HEG1: variants seen among roughly 807,000 people sequenced by gnomAD.
HEG1 encodes the protein heart development protein with EGF like domains 1.
HEG1 carries 56 observed loss-of-function variants against 125.6 expected under a neutral mutation model. The observed-to-expected ratio is 0.45, with a 90% confidence interval of 0.36 to 0.56. The LOEUF (loss-of-function observed/expected upper bound fraction) is 0.56, where lower values mean the gene tolerates loss of function less well. Ranked by LOEUF, HEG1 falls within the 20% of genes least tolerant of loss-of-function variation. The pLI, the probability that HEG1 is intolerant of heterozygous loss-of-function variation, is 0.00. For missense variants in HEG1, 1,523 were observed against 1,670.0 expected, an observed-to-expected ratio of 0.91 and a Z score of 1.53; for synonymous variants, 644 against 668.5, an observed-to-expected ratio of 0.96 and a Z score of 0.57.
chr3:125,053,209 G>A (rs1937853046), intron 1 of HEG1, among the ~76,000 whole-genome samples: 1 of 152,232 alleles, frequency 6.6e-6, no homozygotes, highest in Non-Finnish European at 1.5e-5. Flanking sequence ...TGGAGGACCT[G>A]TGGAGGCCCT....
At chr3:124,972,318 G>C (rs1418211617) in intron 16 of HEG1, among the ~76,000 whole-genome samples, 1 of 152,176 alleles carries the variant, frequency 6.6e-6, no homozygotes, top group Non-Finnish European at 1.5e-5. Context: ...CTCAGTTATA[G>C]CTTCAGTTAG....
intron 6 of HEG1, 126 bp from the exon 7 acceptor site, chr3:125,010,681 G>T: frequency 1.5e-6 from 1 of 680,062 alleles, no homozygotes. Flanking sequence ...TGCCCTGAAA[G>T]GCCACATTAC....
At chr3:125,003,570 T>C (rs923944950) in intron 9 of HEG1, among the ~76,000 whole-genome samples, 3 of 152,200 alleles carry the variant, frequency 2.0e-5, no homozygotes, top group African/African-American at 4.8e-5. Flanking sequence ...ACTTCTTTGT[T>C]TACCTGGGGG....
chr3:125,055,455 G>GA, intron 1 of HEG1, 120 bp downstream of exon 1: 1 of 628,344 alleles, frequency 1.6e-6, no homozygotes. Context: ...CACGCCGGGC[G>GA]AGGAGCCCCC....
rs1937010096 is a variant in HEG1 at position 125,002,105 on chromosome 3, A to G, written c.3357-93T>C. ...TGAATGTCATCGCCATTCACCAGTG[A>G]CGGGATGGGAGAGCATGAAGGTCAG... On this transcript the variant is annotated intron_variant, in intron 10 of 16. Transcript: ENST00000311127. 9.7e-6 allele frequency: 15 copies of G among 1,541,710 alleles called. No individual in the cohort carries two copies. The South Asian group carries it at 1.7e-4, about 18-fold the overall frequency.
chr3:125,006,602 C>T (rs1178634512), intron 8 of HEG1, among the ~76,000 whole-genome samples: 2 of 152,180 alleles, frequency 1.3e-5, no homozygotes, highest in Admixed American at 6.5e-5. Flanking sequence ...TTTGCTTGTT[C>T]TACAGTTCAG....
At chr3:125,021,519 C>G (rs1281432801) in intron 3 of HEG1, among the ~76,000 whole-genome samples, 20 of 152,150 alleles carry the variant, frequency 1.3e-4, no homozygotes, top group Non-Finnish European at 1.0e-4. Flanking sequence ...AGCAATGTAA[C>G]CTTTTTGTTC....
intron 1 of HEG1, among the ~76,000 whole-genome samples, chr3:125,047,271 G>A (rs1937687363): frequency 6.6e-6 from 1 of 152,252 alleles, no homozygotes; most frequent in Admixed American, 6.5e-5. Context: ...AATGACCAGT[G>A]TAAATGGGCA....
intron 1 of HEG1, among the ~76,000 whole-genome samples, chr3:125,051,752 C>T (rs1937811004): frequency 6.6e-6 from 1 of 152,232 alleles, no homozygotes; most frequent in Non-Finnish European, 1.5e-5. Context: ...CAGAGGGAAG[C>T]CACTGAAGAA....
intron 8 of HEG1, among the ~76,000 whole-genome samples, chr3:125,006,588 T>A (rs953784514): frequency 1.3e-5 from 2 of 152,228 alleles, no homozygotes; most frequent in African/African-American, 4.8e-5. Flanking sequence ...TTACTTAACA[T>A]CTTTTTGCTT....
intron 14 of HEG1, among the ~76,000 whole-genome samples, chr3:124,986,057 C>T (rs564108072): frequency 1.2e-4 from 18 of 152,298 alleles, no homozygotes; most frequent in African/African-American, 4.3e-4. Context: ...GGATTACAGG[C>T]GTGAGCCACT....
chr3:125,055,877 C>A lies in HEG1; in HGVS notation c.14G>T (p.Arg5Leu), dbSNP rs1191793614. MASP[R>L]ASRWPPPLLL... Reference sequence around the variant, plus strand: ...GAGCGGCGGCGGCCACCGCGAGGCGCGCGGCGAGGCCATGGTGACGGCGCC... The same window carrying A: ...GAGCGGCGGCGGCCACCGCGAGGCGAGCGGCGAGGCCATGGTGACGGCGCC... The change falls in exon 1 of 17, where the codon CGC (arginine) becomes CTC (leucine). Residue 5 changes from arginine to leucine, a missense_variant. By Grantham distance (102) the Arg-to-Leu change is moderately radical. Transcript: ENST00000311127. 4 of 983,092 alleles carry A rather than the reference C, an allele frequency of 4.1e-6. No homozygotes were observed. Among genetic ancestry groups the A allele is most frequent in the Non-Finnish European group, 4.8e-6 (4 of 829,850 alleles). 60.9% of individuals were successfully genotyped at this position (983,092 alleles called of 1,614,324 possible). A position where few individuals can be genotyped will look rare whatever the true frequency, so the allele number is the denominator to read the frequency against.
rs572245718 is a variant in HEG1 at position 125,034,084 on chromosome 3, G to A, written c.317-4596C>T. Among the ~76,000 whole-genome samples, 1,373 of 152,204 alleles carry A rather than the reference G, an allele frequency of 9.0e-3. 11 individuals are homozygous for A. Among genetic ancestry groups the A allele is most frequent in the Non-Finnish European group, 0.015 (1,008 of 68,016 alleles). On this transcript the variant is annotated intron_variant, in intron 1 of 16. Transcript: ENST00000311127. ...ATACACACACATCCTGTTAATAATG[G>A]GGCAGGGGCGGTCCTGATGGATAGT...
intron 5 of HEG1, chr3:125,014,574 G>C: frequency 1.6e-6 from 1 of 628,252 alleles, no homozygotes; most frequent in Admixed American, 4.0e-5. Flanking sequence ...TGAGGTGGGA[G>C]AATCTAGAAA....
At chr3:125,045,301 CCCTCGG>C (rs1416751096) in intron 1 of HEG1, among the ~76,000 whole-genome samples, 1 of 152,190 alleles carries the variant, frequency 6.6e-6, no homozygotes, top group Non-Finnish European at 1.5e-5. Flanking sequence ...TACTTCCTTC[CCCTCGG>C]CCTCCTGGCA....
chr3:125,048,752 G>C (rs151097171), intron 1 of HEG1, among the ~76,000 whole-genome samples: 226 of 152,362 alleles, frequency 1.5e-3, no homozygotes, highest in African/African-American at 5.3e-3. Flanking sequence ...TGGCTTCTGT[G>C]AGTACAGATT....
chr3:124,993,125 T>C (rs1315697093), intron 12 of HEG1, among the ~76,000 whole-genome samples: 1 of 152,212 alleles, frequency 6.6e-6, no homozygotes. Flanking sequence ...AAAGTCATGT[T>C]TCCCTTTTTG....
Position 125,055,614 on chromosome 3 carries a change from G to T in HEG1, c.277C>A (p.Arg93=). The change falls in exon 1 of 17, where the codon CGG becomes AGG. Residue 93 remains arginine (R), a synonymous_variant. Coordinates refer to ENST00000311127, the MANE Select transcript of HEG1 (RefSeq NM_020733.2). ...CTGGGGGCCCGGCCGGAGGGTCCCC[G>T]CTGTGTCGCGGCGCCTGGCTCAGGG... ...RAPEPGAATQ[R]GPSGRAPRGG... 1 of 1,205,088 alleles carries T rather than the reference G, an allele frequency of 8.3e-7. No individual in the cohort carries two copies. Among genetic ancestry groups the T allele is most frequent in the East Asian group, 3.4e-5 (1 of 29,658 alleles). The allele number at this position is 1,205,088 out of a possible 1,614,324, so 74.6% of individuals were successfully genotyped here. A position where few individuals can be genotyped will look rare whatever the true frequency, so the allele number is the denominator to read the frequency against.
intron 14 of HEG1, among the ~76,000 whole-genome samples, chr3:124,987,575 T>C (rs1014055432): frequency 2.7e-4 from 40 of 146,368 alleles, no homozygotes; most frequent in Non-Finnish European, 5.5e-4. Context: ...CGGGCCAGAG[T>C]GCAATGGCGC....
Sources: allele counts gnomAD v4.1 joint callset (sites outside exome capture counted in the v4.1 genomes callset), GRCh38; gene constraint gnomAD v4.1.1; transcripts MANE v1.5; gene names NCBI Gene and HGNC (gene_info 2026-07-23, HGNC 2026-07-21).